The following MAPKAPK5 variants were observed in gnomAD, a reference collection of about 807,000 sequenced individuals.
MAPKAPK5 encodes MAP kinase-activated protein kinase 5.
MAPKAPK5 carries 30 observed loss-of-function variants against 65.1 expected under a neutral mutation model. That is an observed-to-expected ratio of 0.46 (90% CI 0.34 to 0.63). The LOEUF (loss-of-function observed/expected upper bound fraction) is 0.63. Ranked by LOEUF, MAPKAPK5 falls within the 20% of genes least tolerant of loss-of-function variation. The pLI is 0.01. For missense variants in MAPKAPK5, 433 were observed against 581.4 expected, an observed-to-expected ratio of 0.74 and a Z score of 2.63; for synonymous variants, 179 against 204.6, an observed-to-expected ratio of 0.87 and a Z score of 1.07.
At chr12:111,872,450 G>T (rs1337525942) in intron 7 of MAPKAPK5, among the ~76,000 whole-genome samples, 2 of 152,110 alleles carry the variant, frequency 1.3e-5, no homozygotes, top group African/African-American at 4.8e-5. Context: ...TTTTGTTATT[G>T]TTGGTTTCTT....
At chr12:111,847,431 ATC>A (rs1296327842) in intron 1 of MAPKAPK5, among the ~76,000 whole-genome samples, 1 of 151,802 alleles carries the variant, frequency 6.6e-6, no homozygotes, top group Non-Finnish European at 1.5e-5. Flanking sequence ...TATTACCTGT[ATC>A]TCTAGTCCCA....
At position 111,900,641 on chromosome 12, in the gene MAPKAPK5, C is replaced by T. The variant is rs1434454828; in HGVS notation, c.*7580C>T. 2 of 456,092 alleles carry T rather than the reference C, an allele frequency of 4.4e-6. No homozygotes were observed. The highest frequency in any genetic ancestry group is 4.7e-5 in the Admixed American group (2 of 42,578). The allele number at this position is 456,092 out of a possible 1,614,324, so 28.3% of individuals were successfully genotyped here. A position where few individuals can be genotyped will look rare whatever the true frequency, so the allele number is the denominator to read the frequency against. ...GTTCTCTATGTCAGCATCATGCATG[C>T]TGTGATGAAAACTGTATACTGAAGG... On this transcript the variant is annotated 3_prime_UTR_variant, in exon 14 of 14. Transcript: ENST00000550735.
At chr12:111,863,719 G>T (rs1413608708) in intron 1 of MAPKAPK5, among the ~76,000 whole-genome samples, 1 of 151,020 alleles carries the variant, frequency 6.6e-6, no homozygotes, top group East Asian at 2.0e-4. Context: ...CCACTCTTCT[G>T]CCTCAGCTTC....
chr12:111,878,446 G>C (rs1018717305), intron 7 of MAPKAPK5, among the ~76,000 whole-genome samples: 8 of 151,756 alleles, frequency 5.3e-5, no homozygotes, highest in Non-Finnish European at 1.0e-4. Flanking sequence ...TTTTGAGACG[G>C]AGTCTCACTC....
chr12:111,880,707 CAG>C (rs1277350851), intron 8 of MAPKAPK5, among the ~76,000 whole-genome samples, 180 bp downstream of exon 8: 1 of 152,190 alleles, frequency 6.6e-6, no homozygotes, highest in African/African-American at 2.4e-5. Flanking sequence ...GATGAAATAT[CAG>C]ATAAGGTTCA....
At chr12:111,863,606 ATTT>A (rs56871695) in intron 1 of MAPKAPK5, among the ~76,000 whole-genome samples, 2 of 137,050 alleles carry the variant, frequency 1.5e-5, no homozygotes, top group Non-Finnish European at 3.2e-5. Flanking sequence ...ATGGATTTTG[ATTT>A]TTTTTTTTTT....
rs1244922621 is a variant in MAPKAPK5, at chr12:111,899,912, G to A, written c.*6851G>A. 2.2e-6 allele frequency: 1 copy of A among 455,954 alleles called. No individual in the cohort carries two copies. The highest frequency in any genetic ancestry group is 6.9e-5 in the East Asian group (1 of 14,408). The allele number at this position is 455,954 out of a possible 1,614,324, so 28.2% of individuals were successfully genotyped here. On this transcript the variant is annotated 3_prime_UTR_variant, in exon 14 of 14. Transcript: ENST00000550735. ...CTAGCTGGCAACAAGGGAGCAGGAA[G>A]CCTCATGATCTACAGGCACTGTCCT...
In MAPKAPK5 at chr12:111,900,729, C is replaced by G. The variant is rs1195496154; in HGVS notation, c.*7668C>G. 2.2e-6 allele frequency: 1 copy of G among 455,942 alleles called. No individual in the cohort carries two copies. The highest frequency in any genetic ancestry group is 4.4e-6 in the Non-Finnish European group (1 of 226,802). 28.2% of individuals were successfully genotyped at this position (455,942 alleles called of 1,614,324 possible). A position where few individuals can be genotyped will look rare whatever the true frequency, so the allele number is the denominator to read the frequency against. On this transcript the variant is annotated 3_prime_UTR_variant, in exon 14 of 14. Transcript: ENST00000550735. ...GTGTAAATTTCACCGTAAGGGATAT[C>G]CTTGCTGTCCTTCTAGTCGTTCCTG...
At chr12:111,879,094 A>G (rs1323561128) in intron 7 of MAPKAPK5, among the ~76,000 whole-genome samples, 1 of 152,172 alleles carries the variant, frequency 6.6e-6, no homozygotes, top group Non-Finnish European at 1.5e-5. Flanking sequence ...TAGAGCTATC[A>G]TTCAATGTGG....
At position 111,893,100 on chromosome 12, in the gene MAPKAPK5, A is replaced by G. The variant is rs1377558977; in HGVS notation, c.*39A>G. 1.1e-5 allele frequency: 15 copies of G among 1,393,354 alleles called. No homozygotes were observed. Among genetic ancestry groups the G allele is most frequent in the Non-Finnish European group, 1.4e-5 (14 of 1,023,288 alleles). The allele number at this position is 1,393,354 out of a possible 1,614,324, so 86.3% of individuals were successfully genotyped here. A position where few individuals can be genotyped will look rare whatever the true frequency, so the allele number is the denominator to read the frequency against. ...CTTTGTTTTTTTAACAATTTGAAAA[A>G]TTATTCTTTAATGTATAAAGTAATT... On this transcript the variant is annotated 3_prime_UTR_variant, in exon 14 of 14. Transcript: ENST00000550735.
intron 1 of MAPKAPK5, among the ~76,000 whole-genome samples, chr12:111,852,160 A>G (rs531898291): frequency 4.6e-5 from 7 of 152,324 alleles, no homozygotes; most frequent in Admixed American, 1.3e-4. Context: ...AGTGAAAGCA[A>G]ATGGTGGAAG....
intron 7 of MAPKAPK5, among the ~76,000 whole-genome samples, chr12:111,872,709 C>T (rs892254189): frequency 5.9e-5 from 9 of 152,198 alleles, no homozygotes; most frequent in African/African-American, 2.2e-4. Context: ...CTAGAGGCTG[C>T]CTACATTATT....
chr12:111,880,295 G>A (rs1217301411), intron 7 of MAPKAPK5, 152 bp from the exon 8 acceptor site: 6 of 635,006 alleles, frequency 9.4e-6, no homozygotes, highest in South Asian at 1.8e-5. Context: ...AGAAAAAAAC[G>A]TTTTTGGAAG....
Position 111,894,148 on chromosome 12 carries a change from T to G in MAPKAPK5, c.*1087T>G, listed in dbSNP as rs1241663330. On this transcript the variant is annotated 3_prime_UTR_variant, in exon 14 of 14. Transcript: ENST00000550735. ...ACCTCTGTCTCCCAGGTTCAAGTGA[T>G]TCTCCTGCCTCAGCCTCCCAAGTAG... 2 of 152,448 alleles carry G rather than the reference T, an allele frequency of 1.3e-5. No homozygotes were observed. Among genetic ancestry groups the G allele is most frequent in the African/African-American group, 4.8e-5 (2 of 41,318 alleles). 9.4% of individuals were successfully genotyped at this position (152,448 alleles called of 1,614,324 possible).
chr12:111,851,616 G>A (rs1372182389), intron 1 of MAPKAPK5, among the ~76,000 whole-genome samples: 1 of 152,126 alleles, frequency 6.6e-6, no homozygotes, highest in Admixed American at 6.6e-5. Context: ...TTCAGCTGCC[G>A]CACCTGGTCC....
chr12:111,867,739 T>G (rs941415670), intron 4 of MAPKAPK5, 70 bp downstream of exon 4: 1 of 1,169,474 alleles, frequency 8.6e-7, no homozygotes, highest in Non-Finnish European at 1.3e-6. Flanking sequence ...GTCCTCTCTT[T>G]TATGTGCTCC....
intron 1 of MAPKAPK5, among the ~76,000 whole-genome samples, chr12:111,852,223 TC>T (rs2069106701): frequency 6.6e-6 from 1 of 152,138 alleles, no homozygotes; most frequent in Non-Finnish European, 1.5e-5. Flanking sequence ...AGCAAAAAAG[TC>T]AGACAGAAAT....
At chr12:111,844,961 G>C (rs140279628) in intron 1 of MAPKAPK5, among the ~76,000 whole-genome samples, 6 of 152,336 alleles carry the variant, frequency 3.9e-5, no homozygotes, top group East Asian at 1.9e-4. Context: ...TTAGGGCCTT[G>C]TAGGCCATCG....
chr12:111,861,999 G>A (rs1429398760), intron 1 of MAPKAPK5, among the ~76,000 whole-genome samples: 1 of 152,208 alleles, frequency 6.6e-6, no homozygotes, highest in South Asian at 2.1e-4. Flanking sequence ...GCACAACCCA[G>A]CCTTTGCATT....
Sources: gnomAD v4.1 joint callset for allele counts (sites outside exome capture counted in the v4.1 genomes callset) on GRCh38, gnomAD v4.1.1 for gene constraint, MANE v1.5 for transcripts, NCBI Gene and HGNC (gene_info 2026-07-23, HGNC 2026-07-21) for gene names.